Variants in ANKRD12 observed in about 807,000 individuals in gnomAD.
ANKRD12 encodes the protein ankyrin repeat domain-containing protein 12.
ANKRD12 carries 85 observed loss-of-function variants against 183.4 expected under a neutral mutation model. That is an observed-to-expected ratio of 0.46 (90% CI 0.39 to 0.56). The LOEUF is 0.56. Ranked by LOEUF, ANKRD12 falls within the 20% of genes least tolerant of loss-of-function variation. ANKRD12 has a pLI of 0.00. For synonymous variants in ANKRD12, 914 were observed against 800.2 expected, an observed-to-expected ratio of 1.14 and a Z score of -2.40; for missense variants, 2,405 against 2,357.1, an observed-to-expected ratio of 1.02 and a Z score of -0.42.
intron 4 of ANKRD12, among the ~76,000 whole-genome samples, chr18:9,205,347 A>T (rs141299568): frequency 5.9e-4 from 90 of 151,966 alleles, no homozygotes; most frequent in African/African-American, 1.7e-3. Flanking sequence ...CTGGGTGTCT[A>T]AGTGTCTAGT....
rs181124633 is a variant in ANKRD12, at chr18:9,145,593, A to G, written c.-52+8628A>G. Among the ~76,000 whole-genome samples the G allele has an allele frequency of 7.4e-4, 112 of 152,258 alleles. 1 individual carries two copies. The highest frequency in any genetic ancestry group is 2.1e-3 in the Admixed American group (32 of 15,292). On this transcript the variant is annotated intron_variant, in intron 1 of 12. Transcript: ENST00000262126. ...TGTTCTCTATTCCATCACGTTGTAA[A>G]TGGTTAGCATATGTTTATTGAATGA...
intron 1 of ANKRD12, among the ~76,000 whole-genome samples, chr18:9,139,049 A>G (rs1323918292): frequency 1.3e-5 from 2 of 152,218 alleles, no homozygotes; most frequent in Non-Finnish European, 1.5e-5. Context: ...TTTTCATAGT[A>G]GTTGGTAAGA....
chr18:9,146,388 A>G (rs1320003957), intron 1 of ANKRD12, among the ~76,000 whole-genome samples: 2 of 152,174 alleles, frequency 1.3e-5, no homozygotes, highest in African/African-American at 4.8e-5. Context: ...GACTCCATCT[A>G]CAAAAGAGTT....
intron 9 of ANKRD12, 37 bp from the exon 10 acceptor site, chr18:9,263,753 A>ACAG: frequency 7.1e-7 from 1 of 1,407,434 alleles, no homozygotes; most frequent in South Asian, 1.5e-5. Flanking sequence ...TGTAAATAAA[A>ACAG]CCTAATATTT....
chr18:9,281,809 A>G lies in ANKRD12; in HGVS notation c.*683A>G. ...TATGGAGTGTAGTAGTAGTGTGTAC[A>G]GGTAGAAAACTTTTAAATACAGCAT... On this transcript the variant is annotated 3_prime_UTR_variant, in exon 13 of 13. Transcript: ENST00000262126. 6.6e-6 allele frequency: 1 copy of G among 152,638 alleles called. No individual in the cohort carries two copies. The highest frequency in any genetic ancestry group is 1.9e-4 in the East Asian group (1 of 5,204). 9.5% of individuals were successfully genotyped at this position (152,638 alleles called of 1,614,324 possible).
At chr18:9,184,931 G>C (rs958082707) in intron 2 of ANKRD12, among the ~76,000 whole-genome samples, 1 of 152,096 alleles carries the variant, frequency 6.6e-6, no homozygotes. Context: ...TGCTATACCA[G>C]TGTAATAAGC....
intron 1 of ANKRD12, among the ~76,000 whole-genome samples, chr18:9,172,572 G>C (rs1372489887): frequency 6.6e-6 from 1 of 152,112 alleles, no homozygotes; most frequent in Non-Finnish European, 1.5e-5. Context: ...AGCTCCATCA[G>C]GTCAGTTATG....
chr18:9,193,235 C>T (rs1336533026), intron 2 of ANKRD12, among the ~76,000 whole-genome samples: 5 of 150,668 alleles, frequency 3.3e-5, no homozygotes, highest in African/African-American at 1.2e-4. Context: ...ATCCTCCCAG[C>T]TCAAGCAGTC....
At chr18:9,162,814 T>A (rs970414081) in intron 1 of ANKRD12, among the ~76,000 whole-genome samples, 19 of 152,040 alleles carry the variant, frequency 1.2e-4, no homozygotes, top group African/African-American at 4.3e-4. Flanking sequence ...TTGAGTTTTT[T>A]TTCATGTTTG....
rs761324496 is a variant in ANKRD12, at chr18:9,256,324, AAAAGAT to A, written c.3065_3070del (p.Lys1022_Asp1023del). 133 of 1,591,586 alleles carry A rather than the reference AAAAGAT, an allele frequency of 8.4e-5. No homozygotes were observed. The highest frequency in any genetic ancestry group is 1.6e-4 in the South Asian group (14 of 86,562). ...CTCCAGATGGAAAAGAAAAAGATAA[AAAAGAT>A]AAAGATATAGATAGATACAAAGAAC... On this transcript the variant is annotated inframe_deletion, in exon 9 of 13. Coordinates refer to ENST00000262126, the MANE Select transcript of ANKRD12 (RefSeq NM_015208.5).
In ANKRD12 at chr18:9,197,061, G is replaced by A. The variant is rs561399215; in HGVS notation, c.235+1363G>A. 1.4e-4 allele frequency among the ~76,000 whole-genome samples: 22 copies of A among 152,108 alleles called. No homozygotes were observed. The South Asian group carries it at 4.6e-3, about 32-fold the overall frequency. On this transcript the variant is annotated intron_variant, in intron 3 of 12. Coordinates refer to ENST00000262126, the MANE Select transcript of ANKRD12 (RefSeq NM_015208.5). ...TATTTCTGATAGCTGTTCGAAAAAT[G>A]GATTTTGATAAATTCAAAAAATATT...
chr18:9,258,734 G>T lies in ANKRD12; in HGVS notation c.5467G>T (p.Asp1823Tyr). The change falls in exon 9 of 13, where the codon GAT (aspartate) becomes TAT (tyrosine). Residue 1823 changes from aspartate (D) to tyrosine (Y), a missense_variant. This residue lies in a region of ANKRD12 where 1,983 missense variants were observed against 1,725.9 expected (regional missense o/e 1.15). Transcript: ENST00000262126. ...LAAIVDSLKL[D>Y]EIQPYSSERA... ...AGCCATTGTAGATTCTCTAAAACTA[G>T]ATGAGATTCAGCCATACAGTTCAGA... 1 of 1,613,814 alleles carries T rather than the reference G, an allele frequency of 6.2e-7. No homozygotes were observed. The highest frequency in any genetic ancestry group is 8.5e-7 in the Non-Finnish European group (1 of 1,179,900).
intron 1 of ANKRD12, among the ~76,000 whole-genome samples, chr18:9,177,351 C>A (rs1482527304): frequency 3.9e-5 from 6 of 152,098 alleles, no homozygotes; most frequent in Admixed American, 3.9e-4. Flanking sequence ...TATGAGAGTT[C>A]CAGTTTCTCA....
intron 1 of ANKRD12, among the ~76,000 whole-genome samples, chr18:9,151,035 A>T (rs1416996581): frequency 1.3e-5 from 2 of 152,234 alleles, no homozygotes; most frequent in South Asian, 4.1e-4. Flanking sequence ...ATGTTATGGA[A>T]TAACTGCCAG....
intron 2 of ANKRD12, among the ~76,000 whole-genome samples, chr18:9,188,178 T>G (rs189028538): frequency 3.3e-4 from 50 of 152,294 alleles, no homozygotes; most frequent in African/African-American, 1.2e-3. Flanking sequence ...TTTGTGCCTG[T>G]TCCCTGAGCC....
Position 9,283,553 on chromosome 18 carries a change from G to C in ANKRD12, c.*2427G>C, listed in dbSNP as rs1316978976. 4 of 152,534 alleles carry C rather than the reference G, an allele frequency of 2.6e-5. No homozygotes were observed. The highest frequency in any genetic ancestry group is 9.7e-5 in the African/African-American group (4 of 41,434). The allele number at this position is 152,534 out of a possible 1,614,324, so 9.4% of individuals were successfully genotyped here. A position where few individuals can be genotyped will look rare whatever the true frequency, so the allele number is the denominator to read the frequency against. Reference sequence around the variant, plus strand: ...AAATGCTAGAAAAAAATTTGGAATGGAGTATATGCCTGAAAAGGTTTTGGA... The same window carrying C: ...AAATGCTAGAAAAAAATTTGGAATGCAGTATATGCCTGAAAAGGTTTTGGA... On this transcript the variant is annotated 3_prime_UTR_variant, in exon 13 of 13. Transcript: ENST00000262126.
At chr18:9,138,452 G>T (rs1203484400) in intron 1 of ANKRD12, among the ~76,000 whole-genome samples, 1 of 152,230 alleles carries the variant, frequency 6.6e-6, no homozygotes, top group African/African-American at 2.4e-5. Flanking sequence ...GGCAGAGGTT[G>T]CAGTGAGCCG....
rs752827714 is a variant in ANKRD12 at position 9,258,276 on chromosome 18, A to T, written c.5009A>T (p.Lys1670Ile). Residue 1670 changes from lysine to isoleucine, a missense_variant, in exon 9 of 13, where the codon AAA (lysine) becomes ATA (isoleucine). Coordinates refer to ENST00000262126, the MANE Select transcript of ANKRD12 (RefSeq NM_015208.5). The part of the protein sequence containing the change: ...PKGNLNEQDP[K>I]HCPESEKCLL... ...GGAAACCTAAATGAACAAGATCCAA[A>T]ACATTGTCCTGAAAGTGAAAAGTGT... 6.2e-7 allele frequency: 1 copy of T among 1,613,778 alleles called. No individual in the cohort carries two copies. The highest frequency in any genetic ancestry group is 2.2e-5 in the East Asian group (1 of 44,844).
intron 6 of ANKRD12, among the ~76,000 whole-genome samples, chr18:9,215,091 T>A (rs2036021520): frequency 6.6e-6 from 1 of 151,848 alleles, no homozygotes; most frequent in Non-Finnish European, 1.5e-5. Flanking sequence ...GCAAATAAAT[T>A]CCCAGATACC....
Sources: gnomAD v4.1 joint callset for allele counts (sites outside exome capture counted in the v4.1 genomes callset) on GRCh38, gnomAD v4.1.1 for gene constraint, gnomAD v4.1.1 regional missense constraint, MANE v1.5 for transcripts, NCBI Gene and HGNC (gene_info 2026-07-23, HGNC 2026-07-21) for gene names.